Variants in AUTS2 observed in about 807,000 individuals in gnomAD.
AUTS2 encodes autism susceptibility gene 2 protein.
AUTS2 carries 17 observed loss-of-function variants against 112.4 expected under a neutral mutation model. That is an observed-to-expected ratio of 0.15 (90% confidence interval 0.10 to 0.23). The LOEUF (loss-of-function observed/expected upper bound fraction) is 0.23. AUTS2 is among the 10% of genes least tolerant of loss of function. The pLI is 1.00. For synonymous variants in AUTS2, 751 were observed against 702.7 expected, an observed-to-expected ratio of 1.07 and a Z score of -1.09; for missense variants, 1,510 against 1,701.6, an observed-to-expected ratio of 0.89 and a Z score of 1.98.
chr7:70,772,866 C>T (rs745804374), intron 11 of AUTS2, among the ~76,000 whole-genome samples: 2 of 152,224 alleles, frequency 1.3e-5, no homozygotes, highest in Non-Finnish European at 2.9e-5. Context: ...TCCCTCAGAC[C>T]CTGGTCTGTC....
chr7:70,097,327 A>G lies in AUTS2; in HGVS notation c.523-20805A>G, dbSNP rs554339157. On this transcript the variant is annotated intron_variant, in intron 2 of 18. Transcript: ENST00000342771. ...TTGAATCATTTTGTTTAAAGGCCCT[A>G]TATAGATCATTCTGCTCTTACTGGT... 3.6e-4 allele frequency among the ~76,000 whole-genome samples: 55 copies of G among 152,340 alleles called. 1 individual carries two copies. The South Asian group carries it at 0.01, about 29-fold the overall frequency.
At chr7:70,402,376 G>C (rs1242404601) in intron 4 of AUTS2, among the ~76,000 whole-genome samples, 1 of 152,254 alleles carries the variant, frequency 6.6e-6, no homozygotes, top group Non-Finnish European at 1.5e-5. Flanking sequence ...AGTGGGGTCA[G>C]CTGTCTCAGA....
At chr7:69,770,708 A>G (rs1788624282) in intron 1 of AUTS2, among the ~76,000 whole-genome samples, 1 of 152,148 alleles carries the variant, frequency 6.6e-6, no homozygotes, top group African/African-American at 2.4e-5. Context: ...CCAGGGACCT[A>G]CTAGAGGACA....
intron 6 of AUTS2, among the ~76,000 whole-genome samples, chr7:70,721,448 G>GC (rs1410105212): frequency 2.0e-5 from 3 of 152,054 alleles, no homozygotes; most frequent in African/African-American, 7.2e-5. Flanking sequence ...ACAGGCACCT[G>GC]CCACAATGCC....
At chr7:70,729,061 G>A in intron 6 of AUTS2, 4 of 415,910 alleles carry the variant, frequency 9.6e-6, no homozygotes, top group South Asian at 7.0e-5. Flanking sequence ...TCTGTTCTTT[G>A]TGAAAGCTAG....
chr7:70,606,501 A>G (rs751822515), intron 5 of AUTS2, among the ~76,000 whole-genome samples: 19 of 152,158 alleles, frequency 1.2e-4, no homozygotes, highest in Admixed American at 4.6e-4. Flanking sequence ...GTAGACATGA[A>G]GCTTCATGAA....
chr7:70,731,118 A>T (rs1445711454), intron 6 of AUTS2, among the ~76,000 whole-genome samples: 1 of 152,268 alleles, frequency 6.6e-6, no homozygotes, highest in East Asian at 1.9e-4. Context: ...GAGTTGTAAT[A>T]GTTCTTTATA....
At position 70,102,149 on chromosome 7, in the gene AUTS2, C is replaced by T. The variant is rs530187797; in HGVS notation, c.523-15983C>T. On this transcript the variant is annotated intron_variant, in intron 2 of 18. Transcript: ENST00000342771. Reference sequence around the variant, plus strand: ...TTTTTTTTTTTTTGAGACAGAGTCTCGCACTTTCGCCCAGGCTGGAGTGCA... The same window carrying T: ...TTTTTTTTTTTTTGAGACAGAGTCTTGCACTTTCGCCCAGGCTGGAGTGCA... Among the ~76,000 whole-genome samples, 8 of 138,956 alleles carry T rather than the reference C, an allele frequency of 5.8e-5. No individual in the cohort carries two copies. In the South Asian group the frequency reaches 1.1e-3, roughly 20 times the overall value. The allele number at this position is 138,956 out of a possible 152,430, so 91.2% of individuals were successfully genotyped here.
chr7:70,250,514 G>A (rs939935255), intron 4 of AUTS2, among the ~76,000 whole-genome samples: 1 of 152,178 alleles, frequency 6.6e-6, no homozygotes, highest in Non-Finnish European at 1.5e-5. Context: ...ATACCACGCT[G>A]TTCTCATCAG....
At chr7:70,411,926 T>C (rs1024956388) in intron 4 of AUTS2, among the ~76,000 whole-genome samples, 2 of 150,608 alleles carry the variant, frequency 1.3e-5, no homozygotes, top group Non-Finnish European at 3.0e-5. Context: ...TTTTCTTTTT[T>C]TTTTTTTTTT....
At chr7:69,713,259 G>A (rs1798418889) in intron 1 of AUTS2, among the ~76,000 whole-genome samples, 1 of 152,140 alleles carries the variant, frequency 6.6e-6, no homozygotes, top group East Asian at 1.9e-4. Flanking sequence ...CTCTGATTTT[G>A]AATACTACAA....
intron 5 of AUTS2, among the ~76,000 whole-genome samples, chr7:70,465,917 T>G (rs781270658): frequency 6.6e-6 from 1 of 152,024 alleles, no homozygotes; most frequent in Non-Finnish European, 1.5e-5. Flanking sequence ...CGACTCTGGA[T>G]CATAGAGCAG....
intron 5 of AUTS2, among the ~76,000 whole-genome samples, chr7:70,519,828 C>CT (rs1283938424): frequency 2.0e-5 from 3 of 152,104 alleles, no homozygotes; most frequent in Non-Finnish European, 4.4e-5. Context: ...ATTGGGTGTT[C>CT]TGTCAGCTGG....
intron 2 of AUTS2, among the ~76,000 whole-genome samples, chr7:70,032,751 C>T (rs1050805278): frequency 1.3e-5 from 2 of 152,060 alleles, no homozygotes; most frequent in African/African-American, 4.8e-5. Flanking sequence ...CAGACCCTTT[C>T]ATAGCTCCCT....
rs1322480798 is a variant in AUTS2 at position 70,281,643 on chromosome 7, T to G, written c.660+147072T>G. On this transcript the variant is annotated intron_variant, in intron 4 of 18. Coordinates refer to ENST00000342771, the MANE Select transcript of AUTS2 (RefSeq NM_015570.4). ...CTGTTTGGGGTATTACAATCCAGTG[T>G]GTATTTTCTATCATACTTACCAAAT... Among the ~76,000 whole-genome samples the G allele has an allele frequency of 2.7e-3, 415 of 152,342 alleles. 1 individual carries two copies. Among genetic ancestry groups the G allele is most frequent in the African/African-American group, 9.4e-3 (389 of 41,580 alleles).
intron 1 of AUTS2, among the ~76,000 whole-genome samples, chr7:69,779,679 C>G (rs1789059476): frequency 1.3e-5 from 2 of 150,342 alleles, no homozygotes; most frequent in South Asian, 2.1e-4. Context: ...AGGAGAATCA[C>G]TTGAACTCGG....
At chr7:69,699,647 T>G (rs551058143) in intron 1 of AUTS2, among the ~76,000 whole-genome samples, 2,131 of 149,702 alleles carry the variant, frequency 0.014, 21 homozygotes, top group Middle Eastern at 0.031. Flanking sequence ...ATGTTTTTTT[T>G]TTTTTTTTTT....
chr7:70,263,118 A>G (rs1425540609), intron 4 of AUTS2, among the ~76,000 whole-genome samples: 2 of 152,066 alleles, frequency 1.3e-5, no homozygotes, highest in South Asian at 2.1e-4. Context: ...ATATTCTTCC[A>G]ATAGTTGTGG....
chr7:70,310,722 G>A (rs1743481928), intron 4 of AUTS2, among the ~76,000 whole-genome samples: 1 of 152,066 alleles, frequency 6.6e-6, no homozygotes, highest in African/African-American at 2.4e-5. Context: ...TTAGTTCTCA[G>A]TCTGTTCAGA....
Sources: allele counts gnomAD v4.1 joint callset (sites outside exome capture counted in the v4.1 genomes callset), GRCh38; gene constraint gnomAD v4.1.1; transcripts MANE v1.5; gene names NCBI Gene and HGNC (gene_info 2026-07-23, HGNC 2026-07-21).